ZFP82: variants seen among roughly 807,000 people sequenced by gnomAD.
ZFP82 encodes the protein zinc finger protein 82 homolog.
ZFP82 carries 30 observed loss-of-function variants against 54.0 expected under a neutral mutation model. The observed-to-expected ratio is 0.56, with a 90% confidence interval of 0.42 to 0.75. The LOEUF (loss-of-function observed/expected upper bound fraction) is 0.75. Ranked by LOEUF, ZFP82 falls within the 30% of genes least tolerant of loss-of-function variation. The pLI is 0.00. For missense variants in ZFP82, 500 were observed against 636.8 expected, an observed-to-expected ratio of 0.79 and a Z score of 2.31; for synonymous variants, 194 against 209.5, an observed-to-expected ratio of 0.93 and a Z score of 0.64.
intron 4 of ZFP82, chr19:36,395,495 G>A (rs1175307993): frequency 2.0e-5 from 3 of 152,078 alleles, no homozygotes; most frequent in Admixed American, 1.3e-4. Context: ...TCAGAAATGT[G>A]GAAAAAAGTA....
Position 36,393,131 on chromosome 19 carries a change from A to G in ZFP82, c.1209T>C (p.Phe403=), listed in dbSNP as rs1164540264. The G allele has an allele frequency of 3.1e-6, 5 of 1,613,852 alleles. No individual in the cohort carries two copies. Among genetic ancestry groups the G allele is most frequent in the African/African-American group, 2.7e-5 (2 of 74,856 alleles). The part of the protein sequence containing the change: ...PYECKECWKA[F]SRYSQLISHQ... ...GTGAAATAAGTTGTGAGTAGCGACT[A>G]AAGGCTTTCCAGCATTCCTTACATT... Residue 403 remains phenylalanine (F), a synonymous_variant, in exon 5 of 5, where the codon TTT becomes TTC. Coordinates refer to ENST00000392161, the MANE Select transcript of ZFP82 (RefSeq NM_133466.4).
rs2145577450 is a variant in ZFP82, at chr19:36,391,440, A to C, written c.*1301T>G. ...TCATGTTATCCTTTGTCAATTTTTA[A>C]TATTGACTGGGGCCAGAGAATACTG... On this transcript the variant is annotated 3_prime_UTR_variant, in exon 5 of 5. Coordinates refer to ENST00000392161, the MANE Select transcript of ZFP82 (RefSeq NM_133466.4). 1 of 151,884 alleles carries C rather than the reference A, an allele frequency of 6.6e-6. No individual in the cohort carries two copies. The highest frequency in any genetic ancestry group is 1.9e-4 in the East Asian group (1 of 5,174). The allele number at this position is 151,884 out of a possible 1,614,324, so 9.4% of individuals were successfully genotyped here.
chr19:36,401,713 G>A (rs917430007), intron 4 of ZFP82, among the ~76,000 whole-genome samples: 3 of 152,146 alleles, frequency 2.0e-5, no homozygotes, highest in Admixed American at 6.5e-5. Context: ...TCTCTTAGTG[G>A]TTACATTACC....
intron 4 of ZFP82, among the ~76,000 whole-genome samples, chr19:36,398,179 A>G (rs2032328123): frequency 6.6e-6 from 1 of 152,222 alleles, no homozygotes; most frequent in Non-Finnish European, 1.5e-5. Context: ...TATTCTGAAC[A>G]CTGAGGAAAA....
chr19:36,394,640 T>C (rs1333514638), intron 4 of ZFP82: 2 of 154,702 alleles, frequency 1.3e-5, no homozygotes, highest in African/African-American at 4.8e-5. Flanking sequence ...AGACCTCACA[T>C]GTCCTAACTT....
At chr19:36,404,192 A>G (rs2032442866) in intron 4 of ZFP82, among the ~76,000 whole-genome samples, 1 of 152,176 alleles carries the variant, frequency 6.6e-6, no homozygotes, top group South Asian at 2.1e-4. Flanking sequence ...GACCGAAGTA[A>G]AAGTCCTAAA....
intron 4 of ZFP82, among the ~76,000 whole-genome samples, chr19:36,400,401 G>A (rs1043105311): frequency 6.6e-6 from 1 of 152,314 alleles, no homozygotes; most frequent in East Asian, 1.9e-4. Context: ...AATGTACAAA[G>A]ATCTGAAAAT....
chr19:36,405,138 T>G (rs1199061268), intron 4 of ZFP82, among the ~76,000 whole-genome samples: 1 of 149,636 alleles, frequency 6.7e-6, no homozygotes, highest in Non-Finnish European at 1.5e-5. Flanking sequence ...GAGCCGAGAT[T>G]GTGCCATTGC....
At chr19:36,386,235 T>C (rs1193610823), downstream of ZFP82, among the ~76,000 whole-genome samples, 1 of 152,244 alleles carries the variant, frequency 6.6e-6, no homozygotes, top group African/African-American at 2.4e-5. Flanking sequence ...TGGTTCCTGC[T>C]GGCTCAGGTG....
chr19:36,415,346 C>T (rs1433866347), intron 1 of ZFP82, among the ~76,000 whole-genome samples: 1 of 151,894 alleles, frequency 6.6e-6, no homozygotes. Context: ...TGGAGAAAAT[C>T]TGTTCTGAAT....
In ZFP82 at chr19:36,405,652, C is replaced by A; in HGVS notation, c.157G>T (p.Asp53Tyr). ...VSLGCFISKPDVISSLEQGKE... is the reference protein window; with the variant it reads ...VSLGCFISKPYVISSLEQGKE... The stretch of plus-strand genomic sequence containing the variant: ...CCTTGCTCCAATGAGGAAATCACAT[C>A]TGGTTTAGAAATGAAGCATCCTGCT... The change falls in exon 4 of 5, where the codon GAT (aspartate) becomes TAT (tyrosine). Residue 53 changes from aspartate to tyrosine, a missense_variant. Coordinates refer to ENST00000392161, the MANE Select transcript of ZFP82 (RefSeq NM_133466.4). 6.2e-7 allele frequency: 1 copy of A among 1,606,702 alleles called. No individual in the cohort carries two copies. Among genetic ancestry groups the A allele is most frequent in the Non-Finnish European group, 8.5e-7 (1 of 1,174,738 alleles).
chr19:36,394,584 C>A (rs971987946), intron 4 of ZFP82: 2 of 163,626 alleles, frequency 1.2e-5, no homozygotes, highest in African/African-American at 4.8e-5. Context: ...ATCATATGAT[C>A]TCAAACCAGT....
intron 1 of ZFP82, among the ~76,000 whole-genome samples, chr19:36,412,370 T>C (rs913083246): frequency 7.9e-5 from 12 of 152,320 alleles, no homozygotes; most frequent in Middle Eastern, 3.4e-3. Flanking sequence ...GTTCTTTAAA[T>C]AGGTTAAAGA....
chr19:36,397,668 G>A (rs531099167), intron 4 of ZFP82, among the ~76,000 whole-genome samples: 8 of 151,334 alleles, frequency 5.3e-5, no homozygotes, highest in Non-Finnish European at 1.0e-4. Context: ...CTGGCCCCCC[G>A]CCACGCCCCA....
intron 1 of ZFP82, among the ~76,000 whole-genome samples, chr19:36,414,544 A>G (rs1321496441): frequency 5.3e-5 from 8 of 150,910 alleles, no homozygotes; most frequent in African/African-American, 1.9e-4. Context: ...TTTGTATTTT[A>G]GTACAGACAG....
At position 36,407,917 on chromosome 19, in the gene ZFP82, A is replaced by T; in HGVS notation, c.106T>A (p.Leu36Met). 1 of 1,614,144 alleles carries T rather than the reference A, an allele frequency of 6.2e-7. No individual in the cohort carries two copies. The highest frequency in any genetic ancestry group is 2.2e-5 in the East Asian group (1 of 44,874). Residue 36 changes from leucine to methionine, a missense_variant, in exon 3 of 5, where the codon TTG becomes ATG. Leu to Met is a conservative substitution (Grantham distance 15, BLOSUM62 2). Coordinates refer to ENST00000392161, the MANE Select transcript of ZFP82 (RefSeq NM_133466.4). ...EQKDLYRDVM[L>M]ENYSNLVSLG... ...GAGACCAAGTTGCTGTAGTTCTCCA[A>T]CATGACATCTCTGTACAAGTCCTTT...
At position 36,392,667 on chromosome 19, in the gene ZFP82, G is replaced by T; in HGVS notation, c.*74C>A. 1.5e-6 allele frequency: 2 copies of T among 1,326,690 alleles called. No homozygotes were observed. Among genetic ancestry groups the T allele is most frequent in the Non-Finnish European group, 2.0e-6 (2 of 994,098 alleles). 82.2% of individuals were successfully genotyped at this position (1,326,690 alleles called of 1,614,324 possible). ...TAAAACCTCTAATGCCAACGCAGTT[G>T]CATGTATGGAGCAAAATAGATTAAT... On this transcript the variant is annotated 3_prime_UTR_variant, in exon 5 of 5. Transcript: ENST00000392161.
At chr19:36,411,328 ATT>A (rs2032577167) in intron 1 of ZFP82, among the ~76,000 whole-genome samples, 1 of 152,144 alleles carries the variant, frequency 6.6e-6, no homozygotes, top group Non-Finnish European at 1.5e-5. Flanking sequence ...CAGAATTTCT[ATT>A]CCAGTGAGCG....
At chr19:36,416,752 G>A (rs2967497) in intron 1 of ZFP82, among the ~76,000 whole-genome samples, 57,536 of 124,886 alleles carry the variant, frequency 0.46, 12,551 homozygotes, top group Admixed American at 0.54. Context: ...GCGAAACTCC[G>A]TCTCAAAAAA....
Sources: gnomAD v4.1 joint callset for allele counts (sites outside exome capture counted in the v4.1 genomes callset) on GRCh38, gnomAD v4.1.1 for gene constraint, MANE v1.5 for transcripts, NCBI Gene and HGNC (gene_info 2026-07-23, HGNC 2026-07-21) for gene names.